VIRMA: variants seen among roughly 807,000 people sequenced by gnomAD.
VIRMA encodes the protein protein virilizer homolog.
VIRMA carries 65 observed loss-of-function variants against 182.4 expected under a neutral mutation model. The observed-to-expected ratio is 0.36, with a 90% CI of 0.29 to 0.44. VIRMA has a LOEUF of 0.44. Among genes scored for constraint, VIRMA ranks in the 20% least tolerant of loss-of-function variants. The pLI, the probability that VIRMA is intolerant of heterozygous loss-of-function variation, is 1.00. For synonymous variants in VIRMA, 709 were observed against 743.1 expected (o/e 0.95, Z 0.75); for missense variants, 1,752 against 2,158.1 (o/e 0.81, Z 3.73).
At chr8:94,520,457 C>T (rs779963920) in intron 8 of VIRMA, among the ~76,000 whole-genome samples, 2 of 151,490 alleles carry the variant, frequency 1.3e-5, no homozygotes, top group African/African-American at 4.9e-5. Context: ...ATCATGCCAC[C>T]GCACTCCAGC....
At chr8:94,551,604 T>C (rs895996648) in intron 1 of VIRMA, among the ~76,000 whole-genome samples, 3 of 152,256 alleles carry the variant, frequency 2.0e-5, no homozygotes, top group Admixed American at 6.5e-5. Flanking sequence ...CTCAAGGTAT[T>C]CAATGTTTAC....
intron 15 of VIRMA, among the ~76,000 whole-genome samples, chr8:94,508,996 T>TA (rs1270008998): frequency 6.6e-6 from 1 of 152,232 alleles, no homozygotes; most frequent in Non-Finnish European, 1.5e-5. Context: ...ACTACTACTT[T>TA]AGCCAACATC....
chr8:94,547,337 A>C (rs1815804595), intron 1 of VIRMA, among the ~76,000 whole-genome samples: 2 of 151,224 alleles, frequency 1.3e-5, no homozygotes, highest in South Asian at 4.1e-4. Context: ...TCAGGAAAGT[A>C]ACAGGAATAT....
chr8:94,543,401 C>CAAAAAAAA (rs1162030319), intron 2 of VIRMA, among the ~76,000 whole-genome samples: 1 of 43,200 alleles, frequency 2.3e-5, no homozygotes, highest in African/African-American at 6.7e-5. Context: ...AACTCCATCT[C>CAAAAAAAA]AAAAAAAAAA....
intron 23 of VIRMA, 87 bp downstream of exon 23, chr8:94,489,852 T>C (rs1813555085): frequency 3.5e-6 from 5 of 1,430,970 alleles, no homozygotes; most frequent in African/African-American, 1.4e-5. Context: ...TTAGCACCCC[T>C]AGCCCCCTCT....
chr8:94,548,471 T>C (rs1273719842), intron 1 of VIRMA, among the ~76,000 whole-genome samples: 1 of 150,754 alleles, frequency 6.6e-6, no homozygotes, highest in Admixed American at 6.6e-5. Flanking sequence ...CTGATTACAA[T>C]AGGGAGAGAT....
intron 4 of VIRMA, among the ~76,000 whole-genome samples, chr8:94,536,325 C>T (rs369020037): frequency 5.3e-5 from 8 of 152,282 alleles, no homozygotes; most frequent in East Asian, 1.9e-4. Flanking sequence ...CCCCCAAAAC[C>T]AAACAGCAAG....
rs1233892836 is a variant in VIRMA at position 94,492,336 on chromosome 8, C to T, written c.4808+316G>A. ...TCTTGCTCTGTCGCCCAGGCTGCAG[C>T]GCAGTGGCGTGATCTCGGCTCAATG... is the stretch of plus-strand genomic sequence containing the variant. On this transcript the variant is annotated intron_variant, in intron 21 of 23. Transcript: ENST00000297591. Among the ~76,000 whole-genome samples the T allele has an allele frequency of 5.4e-5, 8 of 149,244 alleles. No individual in the cohort carries two copies. The East Asian group carries it at 9.8e-4, about 18-fold the overall frequency.
At chr8:94,535,080 A>G in intron 4 of VIRMA, 73 bp from the exon 5 acceptor site, 2 of 1,510,248 alleles carry the variant, frequency 1.3e-6, no homozygotes, top group Admixed American at 2.4e-5. Flanking sequence ...CTGATACCAA[A>G]TTAGATTGTG....
At chr8:94,550,403 C>T (rs1449553057) in intron 1 of VIRMA, among the ~76,000 whole-genome samples, 3 of 151,944 alleles carry the variant, frequency 2.0e-5, no homozygotes, top group Admixed American at 6.5e-5. Context: ...CGCCATTCTC[C>T]GGCCTCAGCC....
chr8:94,549,080 G>A (rs558711930), intron 1 of VIRMA, among the ~76,000 whole-genome samples: 1 of 152,322 alleles, frequency 6.6e-6, no homozygotes, highest in African/African-American at 2.4e-5. Context: ...GATTTGTAAT[G>A]TTAAGTGTTT....
chr8:94,531,031 C>A lies in VIRMA; in HGVS notation c.539G>T (p.Arg180Met). 1.2e-6 allele frequency: 2 copies of A among 1,601,464 alleles called. No individual in the cohort carries two copies. Among genetic ancestry groups the A allele is most frequent in the South Asian group, 1.1e-5 (1 of 89,512 alleles). The change falls in exon 6 of 24, where the codon AGG becomes ATG. Residue 180 changes from arginine (R) to methionine (M), a missense_variant. Arg to Met is a moderately conservative substitution (Grantham distance 91). Coordinates refer to ENST00000297591, the MANE Select transcript of VIRMA (RefSeq NM_015496.5). Reference protein sequence around the residue: ...FNGSPPRPQPRGPRTPPGPPP... With the variant: ...FNGSPPRPQPMGPRTPPGPPP... Reference sequence around the variant, plus strand: ...GGGTCCTGGAGGAGTTCTTGGTCCCCTTGGCTGTGGTCTTGGAGGGCTTCC... The same window carrying A: ...GGGTCCTGGAGGAGTTCTTGGTCCCATTGGCTGTGGTCTTGGAGGGCTTCC...
intron 8 of VIRMA, among the ~76,000 whole-genome samples, chr8:94,521,861 T>TC (rs1447567354): frequency 1.3e-5 from 2 of 152,092 alleles, no homozygotes; most frequent in Admixed American, 1.3e-4. Flanking sequence ...TCCAAGAGCA[T>TC]CCCCCTTATG....
At chr8:94,494,135 A>T (rs1329840455) in intron 20 of VIRMA, among the ~76,000 whole-genome samples, 4 of 152,188 alleles carry the variant, frequency 2.6e-5, no homozygotes, top group Non-Finnish European at 1.5e-5. Flanking sequence ...GAACTTATGC[A>T]AAAGTGTGAT....
intron 11 of VIRMA, among the ~76,000 whole-genome samples, chr8:94,512,613 C>CA (rs1814418571): frequency 6.6e-6 from 1 of 151,940 alleles, no homozygotes. Context: ...CCTGCCTCTA[C>CA]AAAATATTAA....
intron 1 of VIRMA, among the ~76,000 whole-genome samples, chr8:94,552,013 G>A (rs764656233): frequency 1.3e-5 from 2 of 152,170 alleles, no homozygotes; most frequent in African/African-American, 2.4e-5. Flanking sequence ...GAGCCACTGC[G>A]CCAGGCTCTT....
intron 15 of VIRMA, among the ~76,000 whole-genome samples, chr8:94,507,306 T>C (rs1327737424): frequency 6.6e-6 from 1 of 151,850 alleles, no homozygotes; most frequent in African/African-American, 2.4e-5. Context: ...CGGCTAATTT[T>C]GTATTTTTAG....
intron 1 of VIRMA, among the ~76,000 whole-genome samples, chr8:94,552,002 T>C (rs1040019363): frequency 6.6e-6 from 1 of 152,262 alleles, no homozygotes; most frequent in Non-Finnish European, 1.5e-5. Context: ...ATTACAGGCA[T>C]GAGCCACTGC....
At position 94,511,323 on chromosome 8, in the gene VIRMA, C is replaced by A. The variant is rs1814365311; in HGVS notation, c.3252G>T (p.Glu1084Asp). The A allele has an allele frequency of 1.2e-6, 2 of 1,613,616 alleles. No homozygotes were observed. Among genetic ancestry groups the A allele is most frequent in the South Asian group, 2.2e-5 (2 of 90,990 alleles). ...GVNEKLTISE[E>D]TLANNTWSLM... The stretch of plus-strand genomic sequence containing the variant: ...AAGACCAAGTATTATTGGCCAGAGT[C>A]TCTTCTGAGATTGTGAGTTTTTCAT... Residue 1084 changes from glutamate (E) to aspartate (D), a missense_variant, in exon 13 of 24, where the codon GAG becomes GAT. Physicochemically the swap from Glu to Asp is conservative, Grantham distance 45 (BLOSUM62 2). Coordinates refer to ENST00000297591, the MANE Select transcript of VIRMA (RefSeq NM_015496.5).
Sources: allele counts gnomAD v4.1 joint callset (sites outside exome capture counted in the v4.1 genomes callset), GRCh38; gene constraint gnomAD v4.1.1; transcripts MANE v1.5; gene names NCBI Gene and HGNC (gene_info 2026-07-23, HGNC 2026-07-21).